Variants in OSBPL10 observed in about 807,000 individuals in gnomAD.
OSBPL10 encodes oxysterol-binding protein-related protein 10.
Under a neutral mutation model 81.7 loss-of-function variants are expected in OSBPL10, and 49 were observed. That is an observed-to-expected ratio of 0.60 (90% confidence interval 0.48 to 0.76). The LOEUF is 0.76. OSBPL10 is among the 30% of genes least tolerant of loss of function. OSBPL10 has a pLI of 0.00. For missense variants in OSBPL10, 923 were observed against 987.8 expected, an observed-to-expected ratio of 0.93 and a Z score of 0.88; for synonymous variants, 419 against 383.6, an observed-to-expected ratio of 1.09 and a Z score of -1.08.
chr3:31,787,121 A>G (rs574419968), intron 4 of OSBPL10, among the ~76,000 whole-genome samples: 1 of 152,304 alleles, frequency 6.6e-6, no homozygotes, highest in African/African-American at 2.4e-5. Context: ...TTACTTCTTC[A>G]TGTCCCTTAG....
intron 4 of OSBPL10, among the ~76,000 whole-genome samples, chr3:31,762,721 A>C (rs946622017): frequency 2.8e-5 from 4 of 141,294 alleles, no homozygotes; most frequent in African/African-American, 1.1e-4. Context: ...TTCCTGCCTC[A>C]GCCTCCCAAA....
At chr3:31,767,863 A>G (rs1698248235) in intron 4 of OSBPL10, among the ~76,000 whole-genome samples, 1 of 152,220 alleles carries the variant, frequency 6.6e-6, no homozygotes, top group African/African-American at 2.4e-5. Context: ...ATTTGGGTTC[A>G]GCCTGGGAGG....
At chr3:31,998,986 G>A (rs1317336874) in intron 2 of OSBPL10, among the ~76,000 whole-genome samples, 1 of 152,190 alleles carries the variant, frequency 6.6e-6, no homozygotes, top group Non-Finnish European at 1.5e-5. Flanking sequence ...GAAAACACAA[G>A]GTCGAAGAAG....
At chr3:31,794,826 G>T in intron 4 of OSBPL10, 1 of 354,918 alleles carries the variant, frequency 2.8e-6, no homozygotes, top group South Asian at 2.8e-5. Context: ...AGCAGAAACT[G>T]AACAGGAGTG....
intron 1 of OSBPL10, among the ~76,000 whole-genome samples, chr3:31,887,252 C>G (rs1026067676): frequency 6.6e-6 from 1 of 152,174 alleles, no homozygotes; most frequent in Non-Finnish European, 1.5e-5. Flanking sequence ...GTTTATAAAA[C>G]TTCCAATCTA....
At position 31,942,705 on chromosome 3, in the gene OSBPL10, T is replaced by C. The variant is rs573981220; in HGVS notation, c.281+38194A>G. On this transcript the variant is annotated intron_variant, in intron 1 of 11. Coordinates refer to ENST00000396556, the MANE Select transcript of OSBPL10 (RefSeq NM_017784.5). The stretch of plus-strand genomic sequence containing the variant: ...ACAGGCATGTCTGTAGGGGTAAAAG[T>C]GAAAAGCAAAAATTGAGATAAATGA... Among the ~76,000 whole-genome samples the C allele has an allele frequency of 3.9e-5, 6 of 151,948 alleles. No individual in the cohort carries two copies. The South Asian group carries it at 8.3e-4, about 21-fold the overall frequency.
At chr3:32,002,825 C>T (rs1017118603) in intron 2 of OSBPL10, among the ~76,000 whole-genome samples, 2 of 131,722 alleles carry the variant, frequency 1.5e-5, no homozygotes, top group African/African-American at 2.6e-5. Flanking sequence ...TTTGAATCTG[C>T]TTTTATCTTT....
At chr3:31,733,852 T>C (rs1697062665) in intron 5 of OSBPL10, among the ~76,000 whole-genome samples, 1 of 151,466 alleles carries the variant, frequency 6.6e-6, no homozygotes, top group South Asian at 2.1e-4. Context: ...CTACTAAAAA[T>C]ACAAAAAATT....
At chr3:31,723,337 G>A (rs1327496362) in intron 6 of OSBPL10, among the ~76,000 whole-genome samples, 1 of 152,206 alleles carries the variant, frequency 6.6e-6, no homozygotes, top group African/African-American at 2.4e-5. Flanking sequence ...CACGGCCTTG[G>A]CCAGGGCTGC....
At chr3:31,915,773 T>C (rs1696739006) in intron 1 of OSBPL10, among the ~76,000 whole-genome samples, 1 of 151,686 alleles carries the variant, frequency 6.6e-6, no homozygotes, top group South Asian at 2.1e-4. Context: ...AAAAAAATTA[T>C]CTGTAACCAA....
intron 1 of OSBPL10, among the ~76,000 whole-genome samples, chr3:31,949,103 A>G (rs1697787032): frequency 6.6e-6 from 1 of 152,220 alleles, no homozygotes; most frequent in African/African-American, 2.4e-5. Context: ...CAAGCTTCTA[A>G]CAATACTAAG....
chr3:31,973,489 A>T (rs1370294301), intron 1 of OSBPL10, among the ~76,000 whole-genome samples: 1 of 152,166 alleles, frequency 6.6e-6, no homozygotes, highest in Non-Finnish European at 1.5e-5. Flanking sequence ...GCCTCACAAC[A>T]CTGCGAGGTT....
At chr3:31,951,288 A>G (rs569492166) in intron 1 of OSBPL10, among the ~76,000 whole-genome samples, 1 of 152,328 alleles carries the variant, frequency 6.6e-6, no homozygotes, top group Admixed American at 6.5e-5. Flanking sequence ...AAAGACTTGC[A>G]GAAAACTATA....
intron 4 of OSBPL10, among the ~76,000 whole-genome samples, chr3:31,785,164 C>T (rs373441658): frequency 1.3e-5 from 2 of 152,212 alleles, no homozygotes; most frequent in East Asian, 3.9e-4. Context: ...GGATTACAGG[C>T]GTGAACCACC....
intron 2 of OSBPL10, among the ~76,000 whole-genome samples, chr3:32,031,130 C>T (rs1699463044): frequency 6.6e-6 from 1 of 151,232 alleles, no homozygotes; most frequent in South Asian, 2.1e-4. Flanking sequence ...TGACACTGCA[C>T]TCTAGCCTGG....
At chr3:31,927,065 C>T (rs1170707097) in intron 1 of OSBPL10, among the ~76,000 whole-genome samples, 1 of 152,018 alleles carries the variant, frequency 6.6e-6, no homozygotes, top group Non-Finnish European at 1.5e-5. Flanking sequence ...GAGCCAAGAT[C>T]GTGTCACTGC....
At chr3:31,876,350 CA>C in intron 3 of OSBPL10, 82 bp downstream of exon 3, 1 of 1,205,300 alleles carries the variant, frequency 8.3e-7, no homozygotes, top group Non-Finnish European at 1.2e-6. Context: ...ACATGAAAAA[CA>C]CCTTCCCCGA....
At chr3:31,827,982 G>A (rs992807252) in intron 4 of OSBPL10, among the ~76,000 whole-genome samples, 4 of 152,062 alleles carry the variant, frequency 2.6e-5, no homozygotes, top group African/African-American at 9.7e-5. Flanking sequence ...TTAGGTCACT[G>A]CTCACTACAC....
At chr3:31,926,591 G>A (rs1159291354) in intron 1 of OSBPL10, among the ~76,000 whole-genome samples, 2 of 152,152 alleles carry the variant, frequency 1.3e-5, no homozygotes, top group African/African-American at 4.8e-5. Flanking sequence ...TATTCAGAAA[G>A]CCACCACACT....
Sources: allele counts gnomAD v4.1 joint callset (sites outside exome capture counted in the v4.1 genomes callset), GRCh38; gene constraint gnomAD v4.1.1; transcripts MANE v1.5; gene names NCBI Gene and HGNC (gene_info 2026-07-23, HGNC 2026-07-21).